The following ZSWIM5 variants were observed in gnomAD, a reference collection of about 807,000 sequenced individuals.
ZSWIM5 encodes zinc finger SWIM domain-containing protein 5.
ZSWIM5 carries 55 observed loss-of-function variants against 119.6 expected under a neutral mutation model. That is an observed-to-expected ratio of 0.46 (90% CI 0.37 to 0.58). The LOEUF (loss-of-function observed/expected upper bound fraction) is 0.58, where lower values mean the gene tolerates loss of function less well. Ranked by LOEUF, ZSWIM5 falls within the 20% of genes least tolerant of loss-of-function variation. The probability of loss-of-function intolerance (pLI) is 0.00; values close to 1 mark genes in which losing one functional copy is unlikely to be tolerated. For synonymous variants in ZSWIM5, 537 were observed against 606.9 expected, an observed-to-expected ratio of 0.88 and a Z score of 1.69; for missense variants, 1,193 against 1,512.8, an observed-to-expected ratio of 0.79 and a Z score of 3.51.
rs200273103 is a variant in ZSWIM5 at position 45,051,132 on chromosome 1, A to G, written c.1374T>C (p.Tyr458=). The G allele has an allele frequency of 1.8e-4, 294 of 1,614,100 alleles. 1 individual carries two copies. Among genetic ancestry groups the G allele is most frequent in the Non-Finnish European group, 3.1e-5 (36 of 1,180,056 alleles). ...LDVCPLEDGN[Y]GHELPNITNA... The stretch of plus-strand genomic sequence containing the variant: ...TGGTGATGTTGGGCAGCTCATGTCC[A>G]TAGTTTCCATCCTCCAGGGGACAGA... Residue 458 remains tyrosine (Y), a synonymous_variant, in exon 5 of 14, where the codon TAT becomes TAC. Transcript: ENST00000359600.
At chr1:45,183,735 G>T (rs542923104) in intron 1 of ZSWIM5, among the ~76,000 whole-genome samples, 9 of 152,114 alleles carry the variant, frequency 5.9e-5, no homozygotes, top group Non-Finnish European at 1.0e-4. Flanking sequence ...AATAACAGGA[G>T]CTGAAATTGT....
At chr1:45,052,773 A>G (rs1270165495) in intron 4 of ZSWIM5, among the ~76,000 whole-genome samples, 1 of 152,060 alleles carries the variant, frequency 6.6e-6, no homozygotes, top group Non-Finnish European at 1.5e-5. Flanking sequence ...AAAAAAAGAA[A>G]AAACCCTCAT....
Position 45,136,214 on chromosome 1 carries a change from T to C in ZSWIM5, c.596-47977A>G, listed in dbSNP as rs111918719. ...TTATTATTTAGAAAACCTTGAAATA[T>C]TGAAGTTCACAACAGGTCATAAAAA... On this transcript the variant is annotated intron_variant, in intron 1 of 13. Transcript: ENST00000359600. Among the ~76,000 whole-genome samples the C allele has an allele frequency of 9.9e-3, 1,506 of 152,250 alleles. 30 individuals carry two copies. The highest frequency in any genetic ancestry group is 0.035 in the African/African-American group (1,444 of 41,536).
chr1:45,184,027 G>T (rs1454219343), intron 1 of ZSWIM5, among the ~76,000 whole-genome samples: 2 of 151,914 alleles, frequency 1.3e-5, no homozygotes, highest in Non-Finnish European at 2.9e-5. Flanking sequence ...GAATCCAGCA[G>T]CACATCAAAA....
At chr1:45,069,449 C>T (rs930010910) in intron 2 of ZSWIM5, among the ~76,000 whole-genome samples, 1 of 151,846 alleles carries the variant, frequency 6.6e-6, no homozygotes, top group African/African-American at 2.4e-5. Flanking sequence ...AAGAAATTCA[C>T]GTTTCATTCT....
At chr1:45,107,077 G>A (rs966119747) in intron 1 of ZSWIM5, among the ~76,000 whole-genome samples, 6 of 152,140 alleles carry the variant, frequency 3.9e-5, no homozygotes, top group East Asian at 3.9e-4. Context: ...AAACAGGGCC[G>A]AAGGCCACAG....
At position 45,042,647 on chromosome 1, in the gene ZSWIM5, T is replaced by A. The variant is rs115373441; in HGVS notation, c.1609+572A>T. On this transcript the variant is annotated intron_variant, in intron 6 of 13. Transcript: ENST00000359600. ...TTTAAAAAGAATGTCTCTTTTGAAA[T>A]GGGTATCCTTTGATAAAGTCAGGGA... is the stretch of plus-strand genomic sequence containing the variant. 6.0e-3 allele frequency among the ~76,000 whole-genome samples: 909 copies of A among 152,270 alleles called. 6 individuals are homozygous for A. Among genetic ancestry groups the A allele is most frequent in the African/African-American group, 0.021 (868 of 41,558 alleles).
intron 11 of ZSWIM5, among the ~76,000 whole-genome samples, chr1:45,023,505 T>TC (rs1158430408): frequency 2.2e-4 from 1 of 4,448 alleles, no homozygotes; most frequent in African/African-American, 2.3e-4. Context: ...TCCATGTCTC[T>TC]TTTTTTTTTT....
intron 2 of ZSWIM5, among the ~76,000 whole-genome samples, chr1:45,066,260 T>C (rs1351282686): frequency 1.3e-5 from 2 of 152,138 alleles, no homozygotes; most frequent in South Asian, 2.1e-4. Flanking sequence ...TCATTTTCAT[T>C]TCTAAGACAT....
chr1:45,203,299 C>G lies in ZSWIM5; in HGVS notation c.595+2457G>C, dbSNP rs528612223. 4.6e-4 allele frequency among the ~76,000 whole-genome samples: 70 copies of G among 152,144 alleles called. No homozygotes were observed. In the South Asian group the frequency reaches 0.013, roughly 29 times the overall value. On this transcript the variant is annotated intron_variant, in intron 1 of 13. Transcript: ENST00000359600. ...ACAGAATTTAATCTACCTACTCTTT[C>G]CACAAGTTTTTGTTTGTTTTTAATT...
intron 1 of ZSWIM5, among the ~76,000 whole-genome samples, chr1:45,177,820 C>T (rs968902052): frequency 9.2e-5 from 14 of 152,020 alleles, no homozygotes; most frequent in Non-Finnish European, 1.6e-4. Flanking sequence ...TAATACAATG[C>T]ATTCTATGGC....
In ZSWIM5 at chr1:45,206,401, G is replaced by A; in HGVS notation, c.-51C>T. ...GGCGGCGGCGGCTGCTCGGGCTGCG[G>A]CGGAGACCCTGGCCACGGCCACGCG... On this transcript the variant is annotated 5_prime_UTR_variant, in exon 1 of 14. Coordinates refer to ENST00000359600, the MANE Select transcript of ZSWIM5 (RefSeq NM_020883.2). 1 of 1,342,768 alleles carries A rather than the reference G, an allele frequency of 7.4e-7. No individual in the cohort carries two copies. The highest frequency in any genetic ancestry group is 9.5e-7 in the Non-Finnish European group (1 of 1,050,542). 83.2% of individuals were successfully genotyped at this position (1,342,768 alleles called of 1,614,324 possible).
chr1:45,203,597 T>C (rs1646170552), intron 1 of ZSWIM5, among the ~76,000 whole-genome samples: 1 of 152,056 alleles, frequency 6.6e-6, no homozygotes, highest in Non-Finnish European at 1.5e-5. Context: ...ACACGATTAC[T>C]ATCTTGGTAT....
At chr1:45,182,695 C>T (rs1340737049) in intron 1 of ZSWIM5, among the ~76,000 whole-genome samples, 1 of 151,738 alleles carries the variant, frequency 6.6e-6, no homozygotes, top group African/African-American at 2.4e-5. Context: ...ACAAGAAGAG[C>T]TAACTATCCT....
intron 1 of ZSWIM5, among the ~76,000 whole-genome samples, chr1:45,150,171 T>TAA (rs59869691): frequency 1.3e-4 from 12 of 93,352 alleles, no homozygotes; most frequent in African/African-American, 3.6e-4. Flanking sequence ...CTCTATCTCT[T>TAA]AAAAAAAAAA....
chr1:45,186,395 G>A lies in ZSWIM5; in HGVS notation c.595+19361C>T, dbSNP rs1316965874. Among the ~76,000 whole-genome samples the A allele has an allele frequency of 3.4e-5, 5 of 148,646 alleles. No individual in the cohort carries two copies. In the East Asian group the frequency reaches 5.9e-4, roughly 17 times the overall value. On this transcript the variant is annotated intron_variant, in intron 1 of 13. Transcript: ENST00000359600. Reference sequence around the variant, plus strand: ...GTGCACATGTACCCTAAAACTTAAAGTATAATAATAATAAAAAAAGAAAAA... The same window carrying A: ...GTGCACATGTACCCTAAAACTTAAAATATAATAATAATAAAAAAAGAAAAA...
At chr1:45,152,452 C>T (rs544526920) in intron 1 of ZSWIM5, among the ~76,000 whole-genome samples, 184 of 151,610 alleles carry the variant, frequency 1.2e-3, no homozygotes, top group African/African-American at 3.3e-3. Flanking sequence ...AAATGGAGCA[C>T]GTCTATAGCC....
intron 1 of ZSWIM5, among the ~76,000 whole-genome samples, chr1:45,098,488 G>A (rs558516698): frequency 6.6e-6 from 1 of 152,248 alleles, no homozygotes; most frequent in East Asian, 1.9e-4. Context: ...TCTTTCCAAT[G>A]GGGAAATAAT....
chr1:45,110,463 G>A (rs144048822), intron 1 of ZSWIM5, among the ~76,000 whole-genome samples: 14 of 152,312 alleles, frequency 9.2e-5, no homozygotes, highest in African/African-American at 3.4e-4. Context: ...GTGAAGAAGA[G>A]AGCTCTGGGA....
Sources: gnomAD v4.1 joint callset for allele counts (sites outside exome capture counted in the v4.1 genomes callset) on GRCh38, gnomAD v4.1.1 for gene constraint, MANE v1.5 for transcripts, NCBI Gene and HGNC (gene_info 2026-07-23, HGNC 2026-07-21) for gene names.